ATRNL1: variants seen among roughly 807,000 people sequenced by gnomAD.
The protein encoded by ATRNL1 is attractin-like protein 1.
Under a neutral mutation model 182.7 loss-of-function variants are expected in ATRNL1, and 95 were observed. That is an observed-to-expected ratio of 0.52 (90% CI 0.44 to 0.62). The LOEUF (loss-of-function observed/expected upper bound fraction) is 0.62, where lower values mean the gene tolerates loss of function less well. ATRNL1 is among the 20% of genes least tolerant of loss of function. The probability of loss-of-function intolerance (pLI) is 0.00; values close to 1 mark genes in which losing one functional copy is unlikely to be tolerated. For synonymous variants in ATRNL1, 576 were observed against 568.3 expected (o/e 1.01, Z -0.19); for missense variants, 1,471 against 1,679.5 (o/e 0.88, Z 2.17).
intron 9 of ATRNL1, among the ~76,000 whole-genome samples, chr10:115,236,584 A>G (rs576287151): frequency 7.9e-5 from 12 of 152,258 alleles, no homozygotes; most frequent in Admixed American, 5.2e-4. Context: ...TTGTTTTTTT[A>G]ACAATAAACT....
chr10:115,514,211 A>G (rs570174684), intron 24 of ATRNL1, among the ~76,000 whole-genome samples: 75 of 152,068 alleles, frequency 4.9e-4, no homozygotes, highest in African/African-American at 1.8e-3. Context: ...AACAGTGTTA[A>G]TTTTGGGAGG....
chr10:115,752,407 A>G (rs1289013543), intron 27 of ATRNL1, among the ~76,000 whole-genome samples: 1 of 152,060 alleles, frequency 6.6e-6, no homozygotes, highest in Non-Finnish European at 1.5e-5. Flanking sequence ...AAACTCTGTT[A>G]TAGGCAGTAG....
At chr10:115,733,657 G>A (rs2134078151) in intron 27 of ATRNL1, among the ~76,000 whole-genome samples, 1 of 152,204 alleles carries the variant, frequency 6.6e-6, no homozygotes, top group African/African-American at 2.4e-5. Flanking sequence ...GGTCCCCCTG[G>A]TTCCTCATTC....
intron 27 of ATRNL1, among the ~76,000 whole-genome samples, chr10:115,842,981 ATAT>A (rs1318542757): frequency 2.0e-4 from 31 of 152,048 alleles, no homozygotes; most frequent in Non-Finnish European, 3.8e-4. Flanking sequence ...TAAATGTTAC[ATAT>A]TATTATTATT....
At chr10:115,695,066 C>T (rs1447585460) in intron 26 of ATRNL1, among the ~76,000 whole-genome samples, 1 of 151,318 alleles carries the variant, frequency 6.6e-6, no homozygotes, top group Admixed American at 6.6e-5. Context: ...TACTGTTTTT[C>T]ATAAAATAAG....
At chr10:115,635,979 G>A (rs546232392) in intron 26 of ATRNL1, among the ~76,000 whole-genome samples, 1 of 152,120 alleles carries the variant, frequency 6.6e-6, no homozygotes, top group Non-Finnish European at 1.5e-5. Context: ...TCAGGTGAGC[G>A]CTTCCCCATG....
At chr10:115,859,758 C>G (rs1357921224) in intron 28 of ATRNL1, among the ~76,000 whole-genome samples, 1 of 152,146 alleles carries the variant, frequency 6.6e-6, no homozygotes, top group African/African-American at 2.4e-5. Flanking sequence ...CTACCAAAGG[C>G]ATTTTTGAGT....
intron 20 of ATRNL1, among the ~76,000 whole-genome samples, chr10:115,419,628 A>G (rs562060062): frequency 1.3e-5 from 2 of 152,214 alleles, no homozygotes; most frequent in Non-Finnish European, 2.9e-5. Context: ...AGTAGCTGTA[A>G]TTATATGAAC....
chr10:115,293,742 G>A (rs192627224), intron 15 of ATRNL1, among the ~76,000 whole-genome samples: 11 of 152,218 alleles, frequency 7.2e-5, no homozygotes, highest in African/African-American at 2.2e-4. Flanking sequence ...AATATTTGTG[G>A]TTGACAGTTT....
In ATRNL1 at chr10:115,606,474, G is replaced by C. The variant is rs1393839409; in HGVS notation, c.3795+56938G>C. ...TATTCCATTAAGAGCAAATGTTTAA[G>C]TAACATTTCAGAAATAAAATAATGA... On this transcript the variant is annotated intron_variant, in intron 26 of 28. Transcript: ENST00000355044. 2.0e-5 allele frequency among the ~76,000 whole-genome samples: 3 copies of C among 152,106 alleles called. No homozygotes were observed. The East Asian group carries it at 5.8e-4, about 29-fold the overall frequency.
chr10:115,707,043 T>G (rs1397769295), intron 26 of ATRNL1, among the ~76,000 whole-genome samples: 3 of 151,916 alleles, frequency 2.0e-5, no homozygotes, highest in Non-Finnish European at 4.4e-5. Context: ...ATACAGGATT[T>G]TTCCTAGAAC....
chr10:115,237,732 G>A (rs1171021044), intron 9 of ATRNL1, among the ~76,000 whole-genome samples: 1 of 152,088 alleles, frequency 6.6e-6, no homozygotes, highest in Non-Finnish European at 1.5e-5. Flanking sequence ...TTTTAATAGA[G>A]TCCAAATTAT....
In ATRNL1 at chr10:115,759,841, A is replaced by ATTTTTTTTTTTTTTTTT. The variant is rs58578796; in HGVS notation, c.3903+32495_3903+32511dup. 3.2e-5 allele frequency among the ~76,000 whole-genome samples: 2 copies of ATTTTTTTTTTTTTTTTT among 62,684 alleles called. 1 individual carries two copies. 41.1% of individuals were successfully genotyped at this position (62,684 alleles called of 152,430 possible). ...CAGGTGTGCACCACCACACCTGGCTATTTTTTTTTTTTTTTTTTTTTTTTT... is the reference window on the plus strand; with the variant it reads ...CAGGTGTGCACCACCACACCTGGCTATTTTTTTTTTTTTTTTTTTTTTTTTTTTTTTTTTTTTTTTTT... On this transcript the variant is annotated intron_variant, in intron 27 of 28. Transcript: ENST00000355044.
At chr10:115,200,978 G>C (rs1554892215) in intron 8 of ATRNL1, among the ~76,000 whole-genome samples, 1 of 151,270 alleles carries the variant, frequency 6.6e-6, no homozygotes, top group Non-Finnish European at 1.5e-5. Context: ...CTGATGGCCA[G>C]TGATGATGAG....
intron 5 of ATRNL1, 45 bp downstream of exon 5, chr10:115,129,580 A>G (rs377496417): frequency 1.3e-6 from 2 of 1,495,038 alleles, no homozygotes; most frequent in African/African-American, 1.4e-5. Context: ...TGATTCATAT[A>G]TGTAATAGAT....
chr10:115,744,077 C>T (rs573788494), intron 27 of ATRNL1, among the ~76,000 whole-genome samples: 3 of 152,102 alleles, frequency 2.0e-5, no homozygotes, highest in South Asian at 4.2e-4. Context: ...AAGAAGCATT[C>T]TTTCAAAACT....
intron 28 of ATRNL1, among the ~76,000 whole-genome samples, chr10:115,861,871 A>G (rs1454819235): frequency 6.6e-6 from 1 of 152,106 alleles, no homozygotes; most frequent in Non-Finnish European, 1.5e-5. Context: ...TGAGAGGCCA[A>G]GGTATGAGGA....
At chr10:115,485,022 A>G (rs1195783168) in intron 24 of ATRNL1, among the ~76,000 whole-genome samples, 4 of 151,916 alleles carry the variant, frequency 2.6e-5, no homozygotes, top group East Asian at 1.9e-4. Context: ...TCACTTGATC[A>G]TGGTCTGTTT....
intron 28 of ATRNL1, among the ~76,000 whole-genome samples, chr10:115,937,317 T>C (rs1953589751): frequency 6.6e-6 from 1 of 152,228 alleles, no homozygotes; most frequent in African/African-American, 2.4e-5. Flanking sequence ...CACTGAAACA[T>C]TGGCATCTGT....
Sources: allele counts gnomAD v4.1 joint callset (sites outside exome capture counted in the v4.1 genomes callset), GRCh38; gene constraint gnomAD v4.1.1; transcripts MANE v1.5; gene names NCBI Gene and HGNC (gene_info 2026-07-23, HGNC 2026-07-21).